The following PCDHGA9 variants were observed in gnomAD, a reference collection of about 807,000 sequenced individuals.
PCDHGA9 encodes the protein protocadherin gamma-A9.
A neutral mutation model predicts 62.5 loss-of-function variants in PCDHGA9; 37 were observed. The ratio of observed to expected loss-of-function variants is 0.59; its 90% confidence interval spans 0.46 to 0.78. The LOEUF is 0.78. Among genes scored for constraint, PCDHGA9 ranks in the 30% least tolerant of loss-of-function variants. The probability of loss-of-function intolerance (pLI) is 0.00; values close to 1 mark genes in which losing one functional copy is unlikely to be tolerated. For synonymous variants in PCDHGA9, 459 were observed against 484.6 expected, an observed-to-expected ratio of 0.95 and a Z score of 0.69; for missense variants, 1,138 against 1,166.2, an observed-to-expected ratio of 0.98 and a Z score of 0.35.
At chr5:141,505,341 A>G in intron 2 of PCDHGA9, 52 bp from the exon 3 acceptor site, 3 of 1,612,728 alleles carry the variant, frequency 1.9e-6, no homozygotes, top group Non-Finnish European at 2.5e-6. Context: ...CAGGAGGGGC[A>G]TGAGCTGTGC....
chr5:141,443,478 C>T (rs2098390426), intron 1 of PCDHGA9, among the ~76,000 whole-genome samples: 1 of 152,052 alleles, frequency 6.6e-6, no homozygotes, highest in East Asian at 1.9e-4. Context: ...AGAATTAGAC[C>T]CTGTCCCAAA....
Position 141,404,897 on chromosome 5 carries a change from C to T in PCDHGA9, c.1945C>T (p.His649Tyr). 1.2e-6 allele frequency: 2 copies of T among 1,613,920 alleles called. No individual in the cohort carries two copies. The highest frequency in any genetic ancestry group is 1.7e-6 in the Non-Finnish European group (2 of 1,179,896). Residue 649 changes from histidine to tyrosine, a missense_variant, in exon 1 of 4, where the codon CAT becomes TAT. Coordinates refer to ENST00000573521, the MANE Select transcript of PCDHGA9 (RefSeq NM_018921.3). ...GAGCCTTGTGGTGGCTGTACAGGAC[C>T]ATGGCCAGCCCCCTCTCTCGGCCAC... ...KQSLVVAVQD[H>Y]GQPPLSATVT...
At chr5:141,440,113 G>A (rs1375262224) in intron 1 of PCDHGA9, 1 of 152,248 alleles carries the variant, frequency 6.6e-6, no homozygotes, top group Non-Finnish European at 1.5e-5. Context: ...ACTTACTTGT[G>A]AATGACTGAA....
At position 141,402,812 on chromosome 5, in the gene PCDHGA9, C is replaced by T; in HGVS notation, c.-141C>T. On this transcript the variant is annotated 5_prime_UTR_variant, in exon 1 of 4. Transcript: ENST00000573521. ...GCTACACAAAACCCGGCAGATACCA[C>T]AAACCTGCTCCCAGGCTGCAGCAAA... The T allele has an allele frequency of 8.0e-7, 1 of 1,243,800 alleles. No individual in the cohort carries two copies. The highest frequency in any genetic ancestry group is 2.6e-5 in the East Asian group (1 of 38,594). The allele number at this position is 1,243,800 out of a possible 1,614,324, so 77.0% of individuals were successfully genotyped here.
chr5:141,419,540 C>A (rs999461892), intron 1 of PCDHGA9: 4 of 1,612,018 alleles, frequency 2.5e-6, no homozygotes. Flanking sequence ...CAACGCACCG[C>A]GGGTGCTGTA....
rs1207647899 is a variant in PCDHGA9, at chr5:141,491,938, C to T, written c.2425-2869C>T. The T allele has an allele frequency of 1.6e-5, 19 of 1,199,190 alleles. No homozygotes were observed. Among genetic ancestry groups the T allele is most frequent in the Non-Finnish European group, 2.1e-5 (18 of 875,372 alleles). 74.3% of individuals were successfully genotyped at this position (1,199,190 alleles called of 1,614,324 possible). ...TGTGGGCGAGGGGAGGTGGGACCGA[C>T]CCCCACCCCTACACTCAAAAAAGGC... is the stretch of plus-strand genomic sequence containing the variant. On this transcript the variant is annotated intron_variant, in intron 1 of 3. Coordinates refer to ENST00000573521, the MANE Select transcript of PCDHGA9 (RefSeq NM_018921.3). This position sits in a 1 kb window ranked among gnomAD's most constrained non-coding sequence, Gnocchi z 6.9.
intron 1 of PCDHGA9, chr5:141,409,594 C>G: frequency 1.2e-6 from 2 of 1,613,900 alleles, no homozygotes; most frequent in Non-Finnish European, 1.7e-6. Flanking sequence ...TGGCCGAGAA[C>G]AACCCGCCAG....
chr5:141,437,956 T>A (rs998689841), intron 1 of PCDHGA9, among the ~76,000 whole-genome samples: 6 of 152,178 alleles, frequency 3.9e-5, no homozygotes, highest in African/African-American at 1.4e-4. Context: ...CAGAATGGTC[T>A]TGATCTCTTG....
At chr5:141,414,313 T>C in intron 1 of PCDHGA9, 1 of 1,613,748 alleles carries the variant, frequency 6.2e-7, no homozygotes, top group Non-Finnish European at 8.5e-7. Context: ...TGATTTAGAC[T>C]CTGAGCAGAA....
chr5:141,405,005 G>C lies in PCDHGA9; in HGVS notation c.2053G>C (p.Glu685Gln), dbSNP rs1358521218. Residue 685 changes from glutamate (E) to glutamine (Q), a missense_variant, in exon 1 of 4, where the codon GAG (glutamate) becomes CAG (glutamine). Physicochemically the swap from Glu to Gln is conservative, Grantham distance 29. Coordinates refer to ENST00000573521, the MANE Select transcript of PCDHGA9 (RefSeq NM_018921.3). The stretch of plus-strand genomic sequence containing the variant: ...CAGTCTTCAGATCCCTGCAGACCTG[G>C]AGGCCTCAGACCTTACCCTCTACCT... ...LGSLQIPADL[E>Q]ASDLTLYLVV... 7 of 1,613,830 alleles carry C rather than the reference G, an allele frequency of 4.3e-6. No homozygotes were observed. The highest frequency in any genetic ancestry group is 2.7e-5 in the African/African-American group (2 of 74,906).
At chr5:141,461,178 G>A (rs2154567263) in intron 1 of PCDHGA9, among the ~76,000 whole-genome samples, 1 of 152,144 alleles carries the variant, frequency 6.6e-6, no homozygotes, top group East Asian at 1.9e-4. Context: ...TGGATTGAAT[G>A]GTAGATCTGT....
chr5:141,431,610 T>A lies in PCDHGA9; in HGVS notation c.2424+26234T>A. The stretch of plus-strand genomic sequence containing the variant: ...GAAGTGAGGTATTCCTTCCGGTATG[T>A]GGACGACAAGGCGGCCCAAGTTTTC... On this transcript the variant is annotated intron_variant, in intron 1 of 3. Transcript: ENST00000573521. The surrounding 1 kb of genome is among the most constrained non-coding windows in gnomAD (Gnocchi z 4.8). 6.2e-7 allele frequency: 1 copy of A among 1,614,238 alleles called. No homozygotes were observed. Among genetic ancestry groups the A allele is most frequent in the Non-Finnish European group, 8.5e-7 (1 of 1,180,034 alleles).
intron 1 of PCDHGA9, chr5:141,413,459 A>G: frequency 6.2e-7 from 1 of 1,614,080 alleles, no homozygotes; most frequent in Non-Finnish European, 8.5e-7. Flanking sequence ...GGCAGGATAG[A>G]CCGGGAGGAG....
In PCDHGA9 at chr5:141,485,609, G is replaced by A. The variant is rs1432367043; in HGVS notation, c.2425-9198G>A. The A allele has an allele frequency of 6.2e-7, 1 of 1,612,252 alleles. No homozygotes were observed. Among genetic ancestry groups the A allele is most frequent in the Non-Finnish European group, 8.5e-7 (1 of 1,178,656 alleles). On this transcript the variant is annotated intron_variant, in intron 1 of 3. Transcript: ENST00000573521. This position sits in a 1 kb window ranked among gnomAD's most constrained non-coding sequence, Gnocchi z 5.7. ...GCTGGACTTGGAAATTGGGGAGGCA[G>A]CTCCTCCAGGACAGCGTTTCCCGTT...
At chr5:141,426,427 G>A in intron 1 of PCDHGA9, 2 of 293,710 alleles carry the variant, frequency 6.8e-6, no homozygotes, top group Non-Finnish European at 1.3e-5. Context: ...CTCCGTGGTG[G>A]GGAACCTTGC....
chr5:141,440,671 T>C (rs2098194169), intron 1 of PCDHGA9: 1 of 152,210 alleles, frequency 6.6e-6, no homozygotes, highest in African/African-American at 2.4e-5. Context: ...CAACTCTATA[T>C]TTCTCTTTGA....
intron 1 of PCDHGA9, among the ~76,000 whole-genome samples, chr5:141,471,996 G>A (rs2099268647): frequency 6.6e-6 from 1 of 152,006 alleles, no homozygotes; most frequent in Admixed American, 6.6e-5. Context: ...AAAAATCCCT[G>A]CATCGTATAG....
chr5:141,447,018 G>GT (rs1329161304), intron 1 of PCDHGA9, among the ~76,000 whole-genome samples: 6 of 142,194 alleles, frequency 4.2e-5, no homozygotes, highest in African/African-American at 1.6e-4. Context: ...GTTCAGTTTT[G>GT]TTTTGTTTTT....
chr5:141,409,938 C>T (rs754052398), intron 1 of PCDHGA9: 114 of 1,613,200 alleles, frequency 7.1e-5, no homozygotes, highest in Admixed American at 4.3e-4. Flanking sequence ...GATATGGTAC[C>T]TCGCTCTGCA....
Sources: gnomAD v4.1 joint callset for allele counts (sites outside exome capture counted in the v4.1 genomes callset) on GRCh38, gnomAD v4.1.1 for gene constraint, Gnocchi (gnomAD v3.1) non-coding constraint, MANE v1.5 for transcripts, NCBI Gene and HGNC (gene_info 2026-07-23, HGNC 2026-07-21) for gene names.